SPATS2: variants seen among roughly 807,000 people sequenced by gnomAD.
SPATS2 encodes spermatogenesis associated serine rich 2.
A neutral mutation model predicts 63.7 loss-of-function variants in SPATS2; 38 were observed. That is an observed-to-expected ratio of 0.60 (90% CI 0.46 to 0.78). The LOEUF (loss-of-function observed/expected upper bound fraction) is 0.78. Ranked by LOEUF, SPATS2 falls within the 30% of genes least tolerant of loss-of-function variation. The pLI is 0.00. For synonymous variants in SPATS2, 207 were observed against 232.9 expected (o/e 0.89, Z 1.01); for missense variants, 588 against 666.2 (o/e 0.88, Z 1.29).
chr12:49,371,951 GGT>G (rs1491488647), intron 2 of SPATS2, among the ~76,000 whole-genome samples: 1 of 33,450 alleles, frequency 3.0e-5, no homozygotes, highest in African/African-American at 8.0e-5. Context: ...CCTCCTTTCA[GGT>G]TTTTTTTTTT....
chr12:49,497,499 A>G (rs973111417), intron 8 of SPATS2, among the ~76,000 whole-genome samples: 1 of 149,622 alleles, frequency 6.7e-6, no homozygotes, highest in African/African-American at 2.5e-5. Context: ...GGTTCATGCC[A>G]TTCTCCTGCC....
intron 2 of SPATS2, among the ~76,000 whole-genome samples, chr12:49,428,288 A>G (rs369808797): frequency 3.3e-5 from 5 of 152,226 alleles, no homozygotes; most frequent in Non-Finnish European, 7.4e-5. Flanking sequence ...AAAAAAAACA[A>G]AAATTCAGTA....
intron 2 of SPATS2, among the ~76,000 whole-genome samples, chr12:49,436,665 T>C (rs1592394022): frequency 9.5e-6 from 1 of 105,122 alleles, no homozygotes; most frequent in Middle Eastern, 9.1e-3. Flanking sequence ...GGCTCCTCTC[T>C]TCCCAGTAGG....
At chr12:49,471,528 C>G (rs1177566330) in intron 3 of SPATS2, among the ~76,000 whole-genome samples, 1 of 152,134 alleles carries the variant, frequency 6.6e-6, no homozygotes, top group East Asian at 1.9e-4. Context: ...GACAGGATCT[C>G]ACTGTGTTGC....
At chr12:49,454,115 G>A (rs1030027206) in intron 2 of SPATS2, 2 of 151,978 alleles carry the variant, frequency 1.3e-5, no homozygotes, top group Non-Finnish European at 2.9e-5. Context: ...CGCCCGCTTC[G>A]GCCTCCCAAA....
intron 7 of SPATS2, among the ~76,000 whole-genome samples, chr12:49,496,155 T>C (rs974440992): frequency 2.6e-5 from 4 of 152,200 alleles, no homozygotes; most frequent in African/African-American, 4.8e-5. Context: ...GAGAAAAACA[T>C]TGCACTGACT....
intron 13 of SPATS2, among the ~76,000 whole-genome samples, chr12:49,525,698 C>T (rs1947020941): frequency 6.6e-6 from 1 of 152,140 alleles, no homozygotes; most frequent in African/African-American, 2.4e-5. Context: ...TTTCTTCTTG[C>T]ATCCAGCTAA....
chr12:49,380,169 T>C (rs74534174), intron 2 of SPATS2, among the ~76,000 whole-genome samples: 191 of 146,080 alleles, frequency 1.3e-3, no homozygotes, highest in African/African-American at 4.1e-3. Flanking sequence ...CTCTCTCTCT[T>C]TTTTTTTTTT....
chr12:49,378,188 G>T (rs1944143033), intron 2 of SPATS2, among the ~76,000 whole-genome samples: 1 of 152,080 alleles, frequency 6.6e-6, no homozygotes. Flanking sequence ...GGCCAGGCTG[G>T]TCTCAAACTC....
Position 49,460,341 on chromosome 12 carries a change from C to G in SPATS2, c.-243-429C>G, listed in dbSNP as rs1945800788. 1.3e-5 allele frequency among the ~76,000 whole-genome samples: 2 copies of G among 152,094 alleles called. 1 individual carries two copies. Among genetic ancestry groups the G allele is most frequent in the South Asian group, 4.1e-4 (2 of 4,824 alleles). ...TGGTGGTGCACGCCTGTAGTCCCAG[C>G]TACTCGGGAGGCTGAGGCAGGAGAA... is the stretch of plus-strand genomic sequence containing the variant. On this transcript the variant is annotated intron_variant, in intron 2 of 13. Coordinates refer to ENST00000552918, the MANE Select transcript of SPATS2 (RefSeq NM_023071.4).
chr12:49,426,949 A>AC (rs1197693081), intron 2 of SPATS2, among the ~76,000 whole-genome samples: 1 of 152,196 alleles, frequency 6.6e-6, no homozygotes, highest in Non-Finnish European at 1.5e-5. Context: ...GCTGCTGTAA[A>AC]CATTCTTGTA....
chr12:49,453,342 C>A (rs932295535), intron 2 of SPATS2, among the ~76,000 whole-genome samples: 6 of 151,696 alleles, frequency 4.0e-5, no homozygotes, highest in Admixed American at 2.0e-4. Flanking sequence ...TATATTGTAG[C>A]AACTTTGATT....
At position 49,392,816 on chromosome 12, in the gene SPATS2, C is replaced by G. The variant is rs553879849; in HGVS notation, c.-244+21526C>G. 6.6e-5 allele frequency among the ~76,000 whole-genome samples: 10 copies of G among 151,390 alleles called. No individual in the cohort carries two copies. In the South Asian group the frequency reaches 2.1e-3, roughly 32 times the overall value. On this transcript the variant is annotated intron_variant, in intron 2 of 13. Coordinates refer to ENST00000552918, the MANE Select transcript of SPATS2 (RefSeq NM_023071.4). ...CCTGTAATCCCAGCACTTTGGGAAG[C>G]TGAGTTGGGTGGATCACCTGAGGTC...
At chr12:49,485,757 CTTT>C (rs1304633706) in intron 4 of SPATS2, among the ~76,000 whole-genome samples, 21 of 128,916 alleles carry the variant, frequency 1.6e-4, no homozygotes, top group Non-Finnish European at 2.3e-4. Flanking sequence ...TATGGGCTCT[CTTT>C]TTTTTTTTTT....
intron 6 of SPATS2, among the ~76,000 whole-genome samples, chr12:49,491,485 T>G (rs930471842): frequency 1.3e-5 from 2 of 151,832 alleles, no homozygotes; most frequent in Non-Finnish European, 2.9e-5. Context: ...GAGGCTGAGG[T>G]GGGAGGATCA....
chr12:49,427,393 A>G (rs868202965), intron 2 of SPATS2, among the ~76,000 whole-genome samples: 16 of 152,342 alleles, frequency 1.1e-4, no homozygotes, highest in Middle Eastern at 3.4e-3. Context: ...TTGCAGCAGT[A>G]CAGACATTTA....
upstream of SPATS2, chr12:49,367,418 C>T (rs1265114125): frequency 5.1e-6 from 2 of 394,784 alleles, no homozygotes; most frequent in Non-Finnish European, 4.5e-6. Context: ...GCGGTGGGGG[C>T]GGGGCGGCGT....
chr12:49,404,839 A>G (rs1001523951), intron 2 of SPATS2, among the ~76,000 whole-genome samples: 2 of 152,182 alleles, frequency 1.3e-5, no homozygotes, highest in Non-Finnish European at 2.9e-5. Flanking sequence ...CTGCTGTTGT[A>G]TGGCCTGCAA....
At chr12:49,384,768 T>C (rs966791970) in intron 2 of SPATS2, among the ~76,000 whole-genome samples, 1 of 152,150 alleles carries the variant, frequency 6.6e-6, no homozygotes, top group Non-Finnish European at 1.5e-5. Context: ...TCTTTTTCTG[T>C]GTAAATACGA....
Sources: gnomAD v4.1 joint callset for allele counts (sites outside exome capture counted in the v4.1 genomes callset) on GRCh38, gnomAD v4.1.1 for gene constraint, MANE v1.5 for transcripts, NCBI Gene and HGNC (gene_info 2026-07-23, HGNC 2026-07-21) for gene names.